Variants in NEK10 observed in about 807,000 individuals in gnomAD.
The protein encoded by NEK10 is serine/threonine-protein kinase Nek10.
A neutral mutation model predicts 159.8 loss-of-function variants in NEK10; 122 were observed. The ratio of observed to expected loss-of-function variants is 0.76; its 90% confidence interval spans 0.66 to 0.89. The LOEUF (loss-of-function observed/expected upper bound fraction) is 0.89. Ranked by LOEUF, NEK10 falls within the 40% of genes least tolerant of loss-of-function variation. The probability of loss-of-function intolerance (pLI) is 0.00; values close to 1 mark genes in which losing one functional copy is unlikely to be tolerated. For synonymous variants in NEK10, 466 were observed against 457.1 expected (o/e 1.02, Z -0.25); for missense variants, 1,342 against 1,323.1 (o/e 1.01, Z -0.22).
At chr3:27,319,776 G>A (rs976038252) in intron 6 of NEK10, among the ~76,000 whole-genome samples, 1 of 152,276 alleles carries the variant, frequency 6.6e-6, no homozygotes, top group East Asian at 1.9e-4. Flanking sequence ...CAAACAAAAA[G>A]AGAAAATAAG....
chr3:27,326,598 T>C (rs1449068008), intron 5 of NEK10, among the ~76,000 whole-genome samples: 1 of 152,172 alleles, frequency 6.6e-6, no homozygotes, highest in Admixed American at 6.5e-5. Flanking sequence ...AGAATAGTTT[T>C]TTTTAACTAA....
intron 23 of NEK10, among the ~76,000 whole-genome samples, chr3:27,235,761 G>C (rs976517092): frequency 1.3e-5 from 2 of 152,120 alleles, no homozygotes; most frequent in African/African-American, 2.4e-5. Context: ...CCATTACTGG[G>C]TATATACCCA....
At chr3:27,312,529 C>A (rs548220403) in intron 7 of NEK10, among the ~76,000 whole-genome samples, 3 of 152,092 alleles carry the variant, frequency 2.0e-5, no homozygotes, top group Non-Finnish European at 4.4e-5. Flanking sequence ...AATGTTTATT[C>A]TTCAATGTAT....
At chr3:27,208,167 T>C (rs994031843) in intron 23 of NEK10, among the ~76,000 whole-genome samples, 1 of 152,002 alleles carries the variant, frequency 6.6e-6, no homozygotes, top group African/African-American at 2.4e-5. Flanking sequence ...TATGGTACGA[T>C]AGGAGTTAAT....
chr3:27,256,441 A>ATACGGCGAC, intron 22 of NEK10, 70 bp from the exon 23 acceptor site: 1 of 792,052 alleles, frequency 1.3e-6, no homozygotes, highest in Non-Finnish European at 1.9e-6. Flanking sequence ...TTAGCATTTG[A>ATACGGCGAC]CAATCTACAC....
At chr3:27,234,382 A>T (rs1001821777) in intron 23 of NEK10, among the ~76,000 whole-genome samples, 7 of 152,152 alleles carry the variant, frequency 4.6e-5, no homozygotes, top group African/African-American at 1.7e-4. Context: ...CTCATCCCAA[A>T]AATTTCTTAA....
At chr3:27,258,427 G>A (rs1454075964) in intron 22 of NEK10, among the ~76,000 whole-genome samples, 1 of 140,690 alleles carries the variant, frequency 7.1e-6, no homozygotes, top group Admixed American at 8.0e-5. Context: ...GAGTCCATGT[G>A]TTCTCATTGT....
intron 22 of NEK10, among the ~76,000 whole-genome samples, chr3:27,268,838 G>T (rs2041109775): frequency 1.3e-5 from 2 of 152,128 alleles, no homozygotes; most frequent in African/African-American, 4.8e-5. Flanking sequence ...TCCTCTAATG[G>T]ATCTGGGCAA....
At position 27,119,806 on chromosome 3, in the gene NEK10, T is replaced by C. The variant is rs752417773; in HGVS notation, c.3144A>G (p.Leu1048=). 10 of 1,613,880 alleles carry C rather than the reference T, an allele frequency of 6.2e-6. No homozygotes were observed. Among genetic ancestry groups the C allele is most frequent in the South Asian group, 2.2e-5 (2 of 91,092 alleles). The change falls in exon 33 of 36, where the codon TTA becomes TTG. Residue 1048 remains leucine, a synonymous_variant. Transcript: ENST00000691995. ...PNFFTADYHL[L]HRSSGGNSLS... ...GGCTGTTTCCACCGGATGAACGATG[T>C]AATAAATGGTAATCTGCTGTGAAAA... is the stretch of plus-strand genomic sequence containing the variant.
intron 1 of NEK10, among the ~76,000 whole-genome samples, chr3:27,360,706 C>T (rs2048625376): frequency 6.6e-6 from 1 of 152,156 alleles, no homozygotes; most frequent in Admixed American, 6.5e-5. Flanking sequence ...TGCAAACATC[C>T]ATTCATTCAT....
intron 35 of NEK10, among the ~76,000 whole-genome samples, chr3:27,111,561 A>G (rs1386291588): frequency 6.6e-6 from 1 of 152,212 alleles, no homozygotes; most frequent in African/African-American, 2.4e-5. Context: ...TAGTAGAAAA[A>G]CAAATATTCA....
At chr3:27,113,720 A>G (rs1391547146) in intron 35 of NEK10, among the ~76,000 whole-genome samples, 1 of 152,204 alleles carries the variant, frequency 6.6e-6, no homozygotes, top group Non-Finnish European at 1.5e-5. Flanking sequence ...TTGGAACTAG[A>G]TCGGTTTAAA....
chr3:27,176,398 C>G (rs973486634), intron 26 of NEK10, among the ~76,000 whole-genome samples: 1 of 152,152 alleles, frequency 6.6e-6, no homozygotes, highest in Admixed American at 6.5e-5. Flanking sequence ...AACTTACAAC[C>G]TGAGACAGGA....
At chr3:27,239,229 T>C (rs1197432496) in intron 23 of NEK10, among the ~76,000 whole-genome samples, 2 of 152,174 alleles carry the variant, frequency 1.3e-5, no homozygotes, top group Non-Finnish European at 2.9e-5. Context: ...GAATGTTAAG[T>C]GCCCAGAAAG....
intron 35 of NEK10, among the ~76,000 whole-genome samples, chr3:27,112,064 A>G (rs190241021): frequency 2.0e-5 from 3 of 152,172 alleles, no homozygotes; most frequent in East Asian, 3.9e-4. Context: ...GAAATACCCA[A>G]CCTTGGTCAG....
intron 32 of NEK10, among the ~76,000 whole-genome samples, chr3:27,122,065 C>T (rs1244380289): frequency 6.6e-6 from 1 of 152,024 alleles, no homozygotes; most frequent in East Asian, 1.9e-4. Flanking sequence ...ACCTACTACC[C>T]TCTAAGGAAA....
At chr3:27,349,856 G>C (rs2047840678) in intron 3 of NEK10, among the ~76,000 whole-genome samples, 1 of 152,166 alleles carries the variant, frequency 6.6e-6, no homozygotes, top group Non-Finnish European at 1.5e-5. Flanking sequence ...TCCTGAAGGA[G>C]GCCTTTCTGC....
intron 24 of NEK10, 44 bp downstream of exon 24, chr3:27,202,384 A>G (rs745682116): frequency 6.5e-7 from 1 of 1,547,452 alleles, no homozygotes; most frequent in East Asian, 2.3e-5. Context: ...AAAGAATTGC[A>G]TTTTTAGCTA....
In NEK10 at chr3:27,301,702, G is replaced by A; in HGVS notation, c.1162C>T (p.Gln388Ter). ...REIQENTFSL[Q>*]AACCAALTEL... is the part of the protein sequence containing the mutation. ...AATAATAAAACATAAATACCTGCTT[G>A]AAGTGAGAAAGTATTTTCTTGTATT... is the stretch of plus-strand genomic sequence containing the variant. The change falls in exon 13 of 36, where the codon CAA becomes TAA. Residue 388 changes from glutamine (Q) to a stop codon, truncating the protein, a stop_gained. Transcript: ENST00000691995. LOFTEE classifies it high-confidence loss of function. 1 of 1,558,194 alleles carries A rather than the reference G, an allele frequency of 6.4e-7. No individual in the cohort carries two copies. The highest frequency in any genetic ancestry group is 8.8e-7 in the Non-Finnish European group (1 of 1,141,258).
Sources: gnomAD v4.1 joint callset for allele counts (sites outside exome capture counted in the v4.1 genomes callset) on GRCh38, gnomAD v4.1.1 for gene constraint, MANE v1.5 for transcripts, NCBI Gene and HGNC (gene_info 2026-07-23, HGNC 2026-07-21) for gene names.